CAAP1: variants seen among roughly 807,000 people sequenced by gnomAD.
The protein encoded by CAAP1 is conserved anti-apoptotic protein.
A neutral mutation model predicts 34.0 loss-of-function variants in CAAP1; 20 were observed. That is an observed-to-expected ratio of 0.59 (90% CI 0.41 to 0.86). The LOEUF is 0.86. CAAP1 is among the 40% of genes least tolerant of loss of function. The probability of loss-of-function intolerance (pLI) is 0.00; values close to 1 mark genes in which losing one functional copy is unlikely to be tolerated. For missense variants in CAAP1, 538 were observed against 450.5 expected, an observed-to-expected ratio of 1.19 and a Z score of -1.76; for synonymous variants, 213 against 166.7, an observed-to-expected ratio of 1.28 and a Z score of -2.14.
At chr9:26,854,913 G>A (rs1822832480) in intron 5 of CAAP1, among the ~76,000 whole-genome samples, 1 of 152,198 alleles carries the variant, frequency 6.6e-6, no homozygotes, top group African/African-American at 2.4e-5. Context: ...GGAATGTGGA[G>A]CAATGGGAAC....
rs1316637244 is a variant in CAAP1 at position 26,868,324 on chromosome 9, G to C, written c.666-7185C>G. Among the ~76,000 whole-genome samples, 7 of 152,156 alleles carry C rather than the reference G, an allele frequency of 4.6e-5. No individual in the cohort carries two copies. In the East Asian group the frequency reaches 9.6e-4, roughly 21 times the overall value. Reference sequence around the variant, plus strand: ...ATCATTTTATAAGGATGTAAGAGAAGTCAGAGTTAGAAGAAATGGCAATAT... The same window carrying C: ...ATCATTTTATAAGGATGTAAGAGAACTCAGAGTTAGAAGAAATGGCAATAT... On this transcript the variant is annotated intron_variant, in intron 4 of 5. Coordinates refer to ENST00000333916, the MANE Select transcript of CAAP1 (RefSeq NM_024828.4).
At position 26,892,777 on chromosome 9, in the gene CAAP1, T is replaced by G. The variant is rs1034376616; in HGVS notation, c.-62A>C. On this transcript the variant is annotated 5_prime_UTR_variant, in exon 1 of 6. Coordinates refer to ENST00000333916, the MANE Select transcript of CAAP1 (RefSeq NM_024828.4). ...GTCTCTGGTGCGACCGAAGCCCGAC[T>G]CCTGCGGCCGTGGGCGGCAGGCACT... 4 of 1,480,110 alleles carry G rather than the reference T, an allele frequency of 2.7e-6. No homozygotes were observed. Among genetic ancestry groups the G allele is most frequent in the Non-Finnish European group, 3.6e-6 (4 of 1,110,934 alleles). The allele number at this position is 1,480,110 out of a possible 1,614,324, so 91.7% of individuals were successfully genotyped here. A position where few individuals can be genotyped will look rare whatever the true frequency, so the allele number is the denominator to read the frequency against.
chr9:26,848,470 T>G lies in CAAP1; in HGVS notation c.740-5823A>C, dbSNP rs191486719. Among the ~76,000 whole-genome samples, 710 of 152,032 alleles carry G rather than the reference T, an allele frequency of 4.7e-3. 2 individuals are homozygous for G. Among genetic ancestry groups the G allele is most frequent in the Non-Finnish European group, 7.6e-3 (516 of 67,990 alleles). ...GGCGGAGCTTGCAGTGAGCCAAGAT[T>G]ACACCACTGCACTCCAGCCTGCGCG... On this transcript the variant is annotated intron_variant, in intron 5 of 5. Coordinates refer to ENST00000333916, the MANE Select transcript of CAAP1 (RefSeq NM_024828.4).
intron 4 of CAAP1, among the ~76,000 whole-genome samples, chr9:26,863,039 T>C (rs1194337644): frequency 6.6e-6 from 1 of 152,156 alleles, no homozygotes; most frequent in East Asian, 1.9e-4. Context: ...TCTTGCAACA[T>C]TGTAATAAGT....
At chr9:26,853,246 A>G (rs1231674619) in intron 5 of CAAP1, among the ~76,000 whole-genome samples, 1 of 152,346 alleles carries the variant, frequency 6.6e-6, no homozygotes, top group Non-Finnish European at 1.5e-5. Flanking sequence ...CTTGGCCTGG[A>G]CACTGAGAAG....
chr9:26,863,772 TAAAAAAAAA>T (rs57763346), intron 4 of CAAP1, among the ~76,000 whole-genome samples: 1 of 111,994 alleles, frequency 8.9e-6, no homozygotes, highest in East Asian at 3.1e-4. Context: ...CCGTTTAAAT[TAAAAAAAAA>T]AAAAAAAAAA....
In CAAP1 at chr9:26,892,658, C is replaced by G. The variant is rs921744927; in HGVS notation, c.58G>C (p.Ala20Pro). Residue 20 changes from alanine to proline, a missense_variant, in exon 1 of 6, where the codon GCC becomes CCC. Ala to Pro is a conservative substitution (Grantham distance 27). Transcript: ENST00000333916. ...ATGTCCGGGGCCGCGAGCGCTGCGG[C>G]CGCCTCCTGACTGCTACGTTTGCGC... ...KRRKRSSQEA[A>P]AALAAPDIVP... 6.2e-7 allele frequency: 1 copy of G among 1,607,404 alleles called. No homozygotes were observed. The highest frequency in any genetic ancestry group is 2.2e-5 in the East Asian group (1 of 44,842).
At position 26,892,491 on chromosome 9, in the gene CAAP1, G is replaced by T; in HGVS notation, c.225C>A (p.Gly75=). The change falls in exon 1 of 6, where the codon GGC becomes GGA. Residue 75 remains glycine (G), a synonymous_variant. Coordinates refer to ENST00000333916, the MANE Select transcript of CAAP1 (RefSeq NM_024828.4). ...TGGGSGGSCW[G]GSSVERSERR... is the part of the protein sequence containing the mutation. ...GCTCGCTGCGCTCCACGCTGCTCCC[G>T]CCCCAACAGCTGCCGCCGCTCCCAC... is the stretch of plus-strand genomic sequence containing the variant. 4.5e-6 allele frequency: 7 copies of T among 1,566,874 alleles called. No individual in the cohort carries two copies. Among genetic ancestry groups the T allele is most frequent in the Non-Finnish European group, 6.1e-6 (7 of 1,155,820 alleles).
intron 5 of CAAP1, among the ~76,000 whole-genome samples, chr9:26,844,203 C>T (rs2131291712): frequency 6.6e-6 from 1 of 151,992 alleles, no homozygotes; most frequent in South Asian, 2.1e-4. Context: ...ACTAAAAATA[C>T]AAAATTGGCC....
rs2131350552 is a variant in CAAP1 at position 26,892,625 on chromosome 9, C to T, written c.91G>A (p.Ala31Thr). 2 of 1,609,386 alleles carry T rather than the reference C, an allele frequency of 1.2e-6. No homozygotes were observed. Among genetic ancestry groups the T allele is most frequent in the South Asian group, 1.1e-5 (1 of 90,970 alleles). ...AALAAPDIVPALASGSSGSTS... is the reference protein window; with the variant it reads ...AALAAPDIVPTLASGSSGSTS... Reference sequence around the variant, plus strand: ...CTTCCACTGCTGCCGCTGGCCAACGCGGGTACGATGTCCGGGGCCGCGAGC... The same window carrying T: ...CTTCCACTGCTGCCGCTGGCCAACGTGGGTACGATGTCCGGGGCCGCGAGC... The change falls in exon 1 of 6, where the codon GCG (alanine) becomes ACG (threonine). Residue 31 changes from alanine to threonine, a missense_variant. Coordinates refer to ENST00000333916, the MANE Select transcript of CAAP1 (RefSeq NM_024828.4).
chr9:26,870,773 C>T (rs764182346), intron 4 of CAAP1, among the ~76,000 whole-genome samples: 46 of 151,904 alleles, frequency 3.0e-4, no homozygotes, highest in Admixed American at 9.2e-4. Context: ...TGCGCCATCA[C>T]ACCCAGCTAA....
intron 5 of CAAP1, among the ~76,000 whole-genome samples, chr9:26,851,482 C>T (rs10967566): frequency 0.11 from 16,085 of 152,148 alleles, 1,960 homozygotes; most frequent in East Asian, 0.69. Flanking sequence ...GAAGACATCA[C>T]CATTCTAGGA....
rs74462317 is a variant in CAAP1, at chr9:26,870,169, C to G, written c.666-9030G>C. ...CACCTGATTGAAATGAAGACCCCAT[C>G]TGGGGCTTCTGACAAACTCATGCCC... is the stretch of plus-strand genomic sequence containing the variant. On this transcript the variant is annotated intron_variant, in intron 4 of 5. Coordinates refer to ENST00000333916, the MANE Select transcript of CAAP1 (RefSeq NM_024828.4). 2.6e-5 allele frequency among the ~76,000 whole-genome samples: 4 copies of G among 151,780 alleles called. No homozygotes were observed. The East Asian group carries it at 7.8e-4, about 30-fold the overall frequency.
In CAAP1 at chr9:26,887,384, C is replaced by G. The variant is rs764814576; in HGVS notation, c.433G>C (p.Glu145Gln). The G allele has an allele frequency of 2.0e-5, 33 of 1,612,162 alleles. No individual in the cohort carries two copies. Among genetic ancestry groups the G allele is most frequent in the Non-Finnish European group, 2.8e-5 (33 of 1,179,112 alleles). Reference protein sequence around the residue: ...PVSFYISDKKEMLQQCFCIIG... With the variant: ...PVSFYISDKKQMLQQCFCIIG... ...ATACAGAAGCACTGCTGAAGCATTT[C>G]TTTTTTGTCTGATATATAGAAACTA... Residue 145 changes from glutamate (E) to glutamine (Q), a missense_variant, in exon 2 of 6, where the codon GAA becomes CAA. Glu to Gln is a conservative substitution (Grantham distance 29, BLOSUM62 2). Around this residue, in one of 3 missense-constraint regions of CAAP1, gnomAD observed 514 missense variants for 408.4 expected, o/e 1.26. Transcript: ENST00000333916.
intron 5 of CAAP1, among the ~76,000 whole-genome samples, chr9:26,856,759 C>T (rs147276436): frequency 1.3e-5 from 2 of 152,296 alleles, no homozygotes; most frequent in Admixed American, 6.5e-5. Flanking sequence ...AATCTAATCA[C>T]GCTTCCATTT....
chr9:26,849,535 G>A (rs1417306027), intron 5 of CAAP1, among the ~76,000 whole-genome samples: 1 of 151,854 alleles, frequency 6.6e-6, no homozygotes, highest in Admixed American at 6.6e-5. Context: ...TGATTATTAT[G>A]TCTCTAGTTA....
At chr9:26,876,843 G>T (rs1724254478) in intron 4 of CAAP1, among the ~76,000 whole-genome samples, 1 of 151,960 alleles carries the variant, frequency 6.6e-6, no homozygotes, top group Non-Finnish European at 1.5e-5. Flanking sequence ...CAGGTGCATA[G>T]AAGTTTAATA....
In CAAP1 at chr9:26,892,469, C is replaced by T; in HGVS notation, c.247G>A (p.Glu83Lys). ...TCGGTACTCCTCCGCTTCCGGCGCT[C>T]GCTGCGCTCCACGCTGCTCCCGCCC... is the stretch of plus-strand genomic sequence containing the variant. ...CWGGSSVERS[E>K]RRKRRSTDSS... Residue 83 changes from glutamate (E) to lysine (K), a missense_variant, in exon 1 of 6, where the codon GAG becomes AAG. This residue lies in a region of CAAP1 where 514 missense variants were observed against 408.4 expected (regional missense o/e 1.26). Coordinates refer to ENST00000333916, the MANE Select transcript of CAAP1 (RefSeq NM_024828.4). 6.4e-7 allele frequency: 1 copy of T among 1,566,636 alleles called. No individual in the cohort carries two copies. Among genetic ancestry groups the T allele is most frequent in the South Asian group, 1.2e-5 (1 of 86,342 alleles).
chr9:26,842,278 A>C lies in CAAP1; in HGVS notation c.*23T>G, dbSNP rs1308967847. On this transcript the variant is annotated 3_prime_UTR_variant, in exon 6 of 6. Coordinates refer to ENST00000333916, the MANE Select transcript of CAAP1 (RefSeq NM_024828.4). ...ATGTGGCTTTGTTCAAACATACCTA[A>C]AATTCAAAATCAAGTTAAATACCTA... is the stretch of plus-strand genomic sequence containing the variant. The C allele has an allele frequency of 6.6e-7, 1 of 1,516,440 alleles. No individual in the cohort carries two copies. The highest frequency in any genetic ancestry group is 8.8e-7 in the Non-Finnish European group (1 of 1,131,580). 93.9% of individuals were successfully genotyped at this position (1,516,440 alleles called of 1,614,324 possible).
Sources: allele counts gnomAD v4.1 joint callset (sites outside exome capture counted in the v4.1 genomes callset), GRCh38; gene constraint gnomAD v4.1.1; regional missense constraint gnomAD v4.1.1; transcripts MANE v1.5; gene names NCBI Gene and HGNC (gene_info 2026-07-23, HGNC 2026-07-21).